Variants in CMIP observed in about 807,000 individuals in gnomAD.
CMIP encodes C-Maf-inducing protein.
In CMIP, 13 loss-of-function variants were observed where a neutral mutation model predicts 97.3. The observed-to-expected ratio is 0.13, with a 90% CI of 0.09 to 0.21. CMIP has a LOEUF of 0.21. Ranked by LOEUF, CMIP falls within the 10% of genes least tolerant of loss-of-function variation. CMIP has a pLI of 1.00. For missense variants in CMIP, 847 were observed against 1,024.9 expected (o/e 0.83, Z 2.37); for synonymous variants, 538 against 436.3 (o/e 1.23, Z -2.91).
intron 3 of CMIP, among the ~76,000 whole-genome samples, chr16:81,632,312 AT>A (rs1444960978): frequency 1.3e-5 from 2 of 152,294 alleles, no homozygotes; most frequent in East Asian, 3.9e-4. Flanking sequence ...CTTCAAGTCC[AT>A]TTTCCCCTAG....
At chr16:81,499,471 T>C (rs1200288749) in intron 1 of CMIP, among the ~76,000 whole-genome samples, 2 of 152,250 alleles carry the variant, frequency 1.3e-5, no homozygotes, top group Non-Finnish European at 2.9e-5. Flanking sequence ...ACTGCACAGA[T>C]CTGGACCTGG....
At chr16:81,704,157 C>T (rs969130469) in intron 18 of CMIP, 72 bp downstream of exon 18, 5 of 1,388,944 alleles carry the variant, frequency 3.6e-6, no homozygotes, top group Non-Finnish European at 4.9e-6. Context: ...CCCTATTCCC[C>T]CGTACCATCT....
intron 10 of CMIP, among the ~76,000 whole-genome samples, chr16:81,682,262 C>T (rs1465109403): frequency 6.6e-6 from 1 of 151,084 alleles, no homozygotes; most frequent in Non-Finnish European, 1.5e-5. Flanking sequence ...ATGGGAGTTA[C>T]ACATAAAGAA....
At chr16:81,674,543 G>A (rs558635967) in intron 9 of CMIP, among the ~76,000 whole-genome samples, 1 of 152,330 alleles carries the variant, frequency 6.6e-6, no homozygotes, top group South Asian at 2.1e-4. Context: ...TGAAGTAGCT[G>A]TGGTGAGTAT....
intron 15 of CMIP, 31 bp downstream of exon 15, chr16:81,699,832 T>A: frequency 6.8e-7 from 1 of 1,466,888 alleles, no homozygotes; most frequent in Non-Finnish European, 9.5e-7. Context: ...CCTGGTGGGG[T>A]GGCTGGCTCC....
At chr16:81,583,171 G>T (rs1366111446) in intron 1 of CMIP, among the ~76,000 whole-genome samples, 2 of 152,234 alleles carry the variant, frequency 1.3e-5, no homozygotes, top group African/African-American at 4.8e-5. Context: ...TGTTCCTGGG[G>T]TTGCAAGGGA....
chr16:81,638,021 C>T (rs936332251), intron 3 of CMIP, among the ~76,000 whole-genome samples: 6 of 151,890 alleles, frequency 4.0e-5, no homozygotes, highest in Non-Finnish European at 7.3e-5. Context: ...GGCCCCACCT[C>T]CTAACACCCC....
intron 6 of CMIP, among the ~76,000 whole-genome samples, chr16:81,661,962 G>A (rs1485637795): frequency 6.6e-6 from 1 of 152,180 alleles, no homozygotes; most frequent in Non-Finnish European, 1.5e-5. Context: ...CATGTGCAAT[G>A]TGTGCCCCCT....
At chr16:81,490,793 T>C (rs977289279) in intron 1 of CMIP, among the ~76,000 whole-genome samples, 5 of 151,870 alleles carry the variant, frequency 3.3e-5, no homozygotes, top group African/African-American at 1.2e-4. Context: ...GGTGTCTGGG[T>C]AGAACATTCC....
intron 5 of CMIP, among the ~76,000 whole-genome samples, chr16:81,658,970 A>G (rs1163392187): frequency 6.6e-6 from 1 of 152,170 alleles, no homozygotes; most frequent in East Asian, 1.9e-4. Flanking sequence ...GATTGTGGAG[A>G]GTCAAGGCAG....
At chr16:81,524,181 A>G (rs912979397) in intron 1 of CMIP, among the ~76,000 whole-genome samples, 3 of 152,198 alleles carry the variant, frequency 2.0e-5, no homozygotes, top group Non-Finnish European at 2.9e-5. Context: ...GCCACGATCC[A>G]TTGCTTATAA....
At chr16:81,666,861 G>C (rs1002419097) in intron 7 of CMIP, 1 of 152,238 alleles carries the variant, frequency 6.6e-6, no homozygotes. Flanking sequence ...AACAACACAG[G>C]CGGTGGGCGA....
chr16:81,672,024 G>C lies in CMIP; in HGVS notation c.988G>C (p.Val330Leu). ...HPRVLPNLVA[V>L]CLAAIYSCYE... ...CCGGGTCCTGCCCAACCTGGTGGCC[G>C]TGTGCCTGGCTGCCATCTACTCCTG... is the stretch of plus-strand genomic sequence containing the variant. The change falls in exon 9 of 21, where the codon GTG becomes CTG. Residue 330 changes from valine to leucine, a missense_variant. Around this residue, in one of 4 missense-constraint regions of CMIP, gnomAD observed 285 missense variants for 392.2 expected, o/e 0.73. Coordinates refer to ENST00000537098, the MANE Select transcript of CMIP (RefSeq NM_198390.3). 6.2e-7 allele frequency: 1 copy of C among 1,605,966 alleles called. No homozygotes were observed. Among genetic ancestry groups the C allele is most frequent in the Non-Finnish European group, 8.5e-7 (1 of 1,175,900 alleles).
At chr16:81,700,616 A>T (rs1487163625) in intron 15 of CMIP, 1 of 152,470 alleles carries the variant, frequency 6.6e-6, no homozygotes, top group East Asian at 1.9e-4. Flanking sequence ...TGGGAAGAGC[A>T]TCGAAGAGTT....
At chr16:81,633,443 A>C (rs2150977999) in intron 3 of CMIP, among the ~76,000 whole-genome samples, 1 of 152,332 alleles carries the variant, frequency 6.6e-6, no homozygotes, top group Admixed American at 6.5e-5. Context: ...GTCCCCACAG[A>C]GGAATTAGGC....
intron 1 of CMIP, among the ~76,000 whole-genome samples, chr16:81,597,128 G>T (rs774017228): frequency 1.3e-5 from 2 of 152,154 alleles, no homozygotes; most frequent in Admixed American, 6.5e-5. Context: ...ACATCTTTGG[G>T]AGCACAAATA....
At chr16:81,580,092 GA>G (rs2091270367) in intron 1 of CMIP, among the ~76,000 whole-genome samples, 1 of 152,262 alleles carries the variant, frequency 6.6e-6, no homozygotes, top group East Asian at 1.9e-4. Context: ...GGGCTCCCAA[GA>G]GTTCATTCTC....
At position 81,547,027 on chromosome 16, in the gene CMIP, G is replaced by A. The variant is rs112540882; in HGVS notation, c.301-60540G>A. 3.9e-4 allele frequency among the ~76,000 whole-genome samples: 60 copies of A among 152,242 alleles called. 1 individual carries two copies. The highest frequency in any genetic ancestry group is 1.3e-3 in the African/African-American group (53 of 41,546). Reference sequence around the variant, plus strand: ...GCACAGCCTTGCGGTATTAAAGACCGGCACATATTCTGTGACAGTACAGGG... The same window carrying A: ...GCACAGCCTTGCGGTATTAAAGACCAGCACATATTCTGTGACAGTACAGGG... On this transcript the variant is annotated intron_variant, in intron 1 of 20. Coordinates refer to ENST00000537098, the MANE Select transcript of CMIP (RefSeq NM_198390.3).
chr16:81,646,273 TGGATGG>T (rs1597189561), intron 3 of CMIP, among the ~76,000 whole-genome samples: 1 of 149,366 alleles, frequency 6.7e-6, no homozygotes, highest in East Asian at 2.0e-4. Context: ...GATGGATGGA[TGGATGG>T]GTGGGTGGTT....
Sources: allele counts gnomAD v4.1 joint callset (sites outside exome capture counted in the v4.1 genomes callset), GRCh38; gene constraint gnomAD v4.1.1; regional missense constraint gnomAD v4.1.1; transcripts MANE v1.5; gene names NCBI Gene and HGNC (gene_info 2026-07-23, HGNC 2026-07-21).